Variants in CSMD1 observed in about 807,000 individuals in gnomAD.
The protein encoded by CSMD1 is CUB and Sushi multiple domains 1.
Under a neutral mutation model 417.5 loss-of-function variants are expected in CSMD1, and 213 were observed. The ratio of observed to expected loss-of-function variants is 0.51; its 90% CI spans 0.46 to 0.57. The LOEUF is 0.57. CSMD1 is among the 20% of genes least tolerant of loss of function. The probability of loss-of-function intolerance (pLI) is 0.00; values close to 1 mark genes in which losing one functional copy is unlikely to be tolerated. For synonymous variants in CSMD1, 2,862 were observed against 1,736.8 expected (o/e 1.65, Z -16.11); for missense variants, 6,923 against 4,529.7 (o/e 1.53, Z -15.17).
intron 1 of CSMD1, among the ~76,000 whole-genome samples, chr8:4,780,913 A>T (rs1267169678): frequency 6.6e-6 from 1 of 152,168 alleles, no homozygotes; most frequent in Non-Finnish European, 1.5e-5. Context: ...TCCTTATTGT[A>T]ATTATTTTTT....
chr8:3,009,231 T>C (rs1291286777), intron 52 of CSMD1, among the ~76,000 whole-genome samples: 2 of 152,216 alleles, frequency 1.3e-5, no homozygotes, highest in Non-Finnish European at 2.9e-5. Context: ...GTGTGCAGGT[T>C]TGTAGCAGGA....
At chr8:3,685,915 C>A (rs756711552) in intron 7 of CSMD1, among the ~76,000 whole-genome samples, 1 of 152,094 alleles carries the variant, frequency 6.6e-6, no homozygotes, top group South Asian at 2.1e-4. Context: ...CAATCCAATA[C>A]ACTCTTTTAG....
chr8:3,379,964 G>A (rs181980293), intron 18 of CSMD1, among the ~76,000 whole-genome samples: 15 of 152,236 alleles, frequency 9.9e-5, no homozygotes, highest in Admixed American at 3.9e-4. Flanking sequence ...GCAACCTACA[G>A]AATGGGAGAA....
intron 4 of CSMD1, among the ~76,000 whole-genome samples, chr8:4,028,972 G>C (rs1209984231): frequency 6.6e-6 from 1 of 152,186 alleles, no homozygotes. Context: ...CAGTGTTGCA[G>C]GTAAAGGAAT....
chr8:3,820,215 G>C (rs961086511), intron 5 of CSMD1, among the ~76,000 whole-genome samples: 1 of 152,118 alleles, frequency 6.6e-6, no homozygotes, highest in Non-Finnish European at 1.5e-5. Flanking sequence ...GTTTGTTGAG[G>C]TCAGGGGTCA....
At chr8:3,184,532 A>G (rs893391919) in intron 36 of CSMD1, among the ~76,000 whole-genome samples, 2 of 152,232 alleles carry the variant, frequency 1.3e-5, no homozygotes, top group African/African-American at 2.4e-5. Context: ...AATAGCCATC[A>G]ACTGAGCTTC....
At chr8:3,318,790 G>T (rs1330123211) in intron 23 of CSMD1, among the ~76,000 whole-genome samples, 1 of 152,126 alleles carries the variant, frequency 6.6e-6, no homozygotes, top group Non-Finnish European at 1.5e-5. Context: ...GCACAGGGCA[G>T]CCCACACACA....
chr8:4,329,701 T>G (rs144863323), intron 3 of CSMD1, among the ~76,000 whole-genome samples: 2 of 152,262 alleles, frequency 1.3e-5, no homozygotes, highest in African/African-American at 2.4e-5. Flanking sequence ...TACCCAGTGT[T>G]GGAGATGAGG....
At chr8:3,304,561 C>T (rs1270307260) in intron 25 of CSMD1, among the ~76,000 whole-genome samples, 1 of 152,098 alleles carries the variant, frequency 6.6e-6, no homozygotes, top group African/African-American at 2.4e-5. Flanking sequence ...TGGCTACCCT[C>T]TTAAGCTGCT....
intron 10 of CSMD1, among the ~76,000 whole-genome samples, chr8:3,553,878 A>G (rs1237231750): frequency 6.6e-6 from 1 of 152,238 alleles, no homozygotes; most frequent in Non-Finnish European, 1.5e-5. Context: ...ACGTACACAT[A>G]CATATCCACA....
chr8:4,131,206 C>T (rs541200888), intron 3 of CSMD1, among the ~76,000 whole-genome samples: 13 of 152,184 alleles, frequency 8.5e-5, no homozygotes, highest in South Asian at 2.1e-4. Flanking sequence ...TAAATAGAGA[C>T]GCCATTTCTA....
At chr8:3,623,147 G>C (rs1246733363) in intron 7 of CSMD1, among the ~76,000 whole-genome samples, 2 of 152,190 alleles carry the variant, frequency 1.3e-5, no homozygotes, top group Non-Finnish European at 2.9e-5. Flanking sequence ...TAGACAGTTT[G>C]TAAAAGAGTT....
chr8:4,587,638 A>T (rs1799773662), intron 2 of CSMD1, among the ~76,000 whole-genome samples: 1 of 152,136 alleles, frequency 6.6e-6, no homozygotes, highest in Admixed American at 6.5e-5. Context: ...CATGATCACG[A>T]TCTCATTTAC....
At chr8:3,734,860 C>T (rs1011871820) in intron 6 of CSMD1, among the ~76,000 whole-genome samples, 8 of 152,104 alleles carry the variant, frequency 5.3e-5, no homozygotes, top group Non-Finnish European at 1.2e-4. Context: ...CATCTAATGC[C>T]GCTGATGCTA....
At chr8:4,443,103 A>G (rs1798577475) in intron 2 of CSMD1, among the ~76,000 whole-genome samples, 1 of 152,182 alleles carries the variant, frequency 6.6e-6, no homozygotes, top group Non-Finnish European at 1.5e-5. Context: ...TTCTGAATAT[A>G]AAAGGGCTGT....
intron 54 of CSMD1, among the ~76,000 whole-genome samples, chr8:2,982,842 T>A (rs916920225): frequency 6.6e-6 from 1 of 152,134 alleles, no homozygotes; most frequent in Admixed American, 6.6e-5. Context: ...CCAGGTTCCT[T>A]CTCCAGCTGT....
chr8:3,331,417 C>T (rs1020575529), intron 23 of CSMD1, among the ~76,000 whole-genome samples: 16 of 152,202 alleles, frequency 1.1e-4, no homozygotes, highest in Admixed American at 4.6e-4. Context: ...TTATCTGATG[C>T]GGTGAAAACA....
intron 3 of CSMD1, among the ~76,000 whole-genome samples, chr8:4,393,387 T>C (rs573682225): frequency 1.3e-5 from 2 of 152,300 alleles, no homozygotes; most frequent in African/African-American, 4.8e-5. Context: ...AAGGAGAAAT[T>C]CAGTTATGGT....
intron 5 of CSMD1, among the ~76,000 whole-genome samples, chr8:3,855,731 T>G (rs983052264): frequency 1.3e-5 from 2 of 152,196 alleles, no homozygotes; most frequent in African/African-American, 4.8e-5. Flanking sequence ...AAATTTCATT[T>G]TCATGGGTCA....
Sources: allele counts gnomAD v4.1 joint callset (sites outside exome capture counted in the v4.1 genomes callset), GRCh38; gene constraint gnomAD v4.1.1; transcripts MANE v1.5; gene names NCBI Gene and HGNC (gene_info 2026-07-23, HGNC 2026-07-21).